DNAH5: variants seen among roughly 807,000 people sequenced by gnomAD.
DNAH5 encodes the protein axonemal beta dynein heavy chain 5.
In DNAH5, 372 loss-of-function variants were observed where a neutral mutation model predicts 518.2. The observed-to-expected ratio is 0.72, with a 90% confidence interval of 0.66 to 0.78. DNAH5 has a LOEUF of 0.78. Among genes scored for constraint, DNAH5 ranks in the 30% least tolerant of loss-of-function variants. The probability of loss-of-function intolerance (pLI) is 0.00; values close to 1 mark genes in which losing one functional copy is unlikely to be tolerated. For missense variants in DNAH5, 5,523 were observed against 5,687.0 expected, an observed-to-expected ratio of 0.97 and a Z score of 0.93; for synonymous variants, 2,039 against 2,025.9, an observed-to-expected ratio of 1.01 and a Z score of -0.17.
Position 13,885,998 on chromosome 5 carries a change from A to G in DNAH5, c.2709T>C (p.Asn903=). 6.2e-7 allele frequency: 1 copy of G among 1,612,762 alleles called. No homozygotes were observed. The highest frequency in any genetic ancestry group is 8.5e-7 in the Non-Finnish European group (1 of 1,179,402). The change falls in exon 18 of 79, where the codon AAT becomes AAC. Residue 903 remains asparagine (N), a synonymous_variant. Transcript: ENST00000265104. Reference sequence around the variant, plus strand: ...CATTTTTGTAATTAACACTATTCTCATTGGATATTTTTTCACTTTCTTCTT... The same window carrying G: ...CATTTTTGTAATTAACACTATTCTCGTTGGATATTTTTTCACTTTCTTCTT... ...LSEEESEKIS[N]ENSVNYKNES...
At chr5:13,926,570 A>T (rs1777892687) in intron 3 of DNAH5, among the ~76,000 whole-genome samples, 1 of 152,234 alleles carries the variant, frequency 6.6e-6, no homozygotes, top group African/African-American at 2.4e-5. Flanking sequence ...GCTTTCCATC[A>T]ACTGGACAGT....
chr5:13,794,142 T>G (rs1305377241), intron 47 of DNAH5, 84 bp from the exon 48 acceptor site: 13 of 1,573,996 alleles, frequency 8.3e-6, no homozygotes, highest in Non-Finnish European at 1.1e-5. Context: ...CAAAAACTGG[T>G]AACCTTTGAA....
intron 47 of DNAH5, among the ~76,000 whole-genome samples, chr5:13,799,634 C>T (rs1758429576): frequency 6.6e-6 from 1 of 152,124 alleles, no homozygotes; most frequent in Admixed American, 6.5e-5. Context: ...CAATAGTTAC[C>T]TGAGTGTTGA....
intron 1 of DNAH5, among the ~76,000 whole-genome samples, chr5:13,996,316 C>T (rs1561061860): frequency 1.3e-5 from 2 of 152,120 alleles, no homozygotes; most frequent in South Asian, 2.1e-4. Flanking sequence ...CCGCCACCCC[C>T]GACCCCGAAT....
At chr5:13,989,295 G>A (rs1481169774) in intron 1 of DNAH5, among the ~76,000 whole-genome samples, 1 of 151,964 alleles carries the variant, frequency 6.6e-6, no homozygotes, top group Non-Finnish European at 1.5e-5. Flanking sequence ...TTACTGGAGT[G>A]CTATACAATG....
At chr5:13,884,917 C>T in intron 19 of DNAH5, 72 bp downstream of exon 19, 15 of 916,572 alleles carry the variant, frequency 1.6e-5, no homozygotes, top group Non-Finnish European at 2.1e-5. Context: ...CACACGTGCA[C>T]ACACACACAC....
At position 13,729,634 on chromosome 5, in the gene DNAH5, T is replaced by A. The variant is rs893959931; in HGVS notation, c.11762-74A>T. 24 of 1,343,558 alleles carry A rather than the reference T, an allele frequency of 1.8e-5. No homozygotes were observed. In the African/African-American group the frequency reaches 3.3e-4, roughly 18 times the overall value. The allele number at this position is 1,343,558 out of a possible 1,614,324, so 83.2% of individuals were successfully genotyped here. On this transcript the variant is annotated intron_variant, in intron 68 of 78. Transcript: ENST00000265104. Reference sequence around the variant, plus strand: ...AACAATCTATTTAGTAAAATTTGTATTATTTTAATTTCAGTTATTTTACTA... The same window carrying A: ...AACAATCTATTTAGTAAAATTTGTAATATTTTAATTTCAGTTATTTTACTA...
chr5:13,826,817 G>A (rs1762948249), intron 38 of DNAH5, among the ~76,000 whole-genome samples: 1 of 152,200 alleles, frequency 6.6e-6, no homozygotes, highest in African/African-American at 2.4e-5. Context: ...AACAGGCAGA[G>A]GTTGGAACAG....
intron 44 of DNAH5, among the ~76,000 whole-genome samples, chr5:13,810,803 C>T (rs1760586850): frequency 6.6e-6 from 1 of 151,552 alleles, no homozygotes; most frequent in Non-Finnish European, 1.5e-5. Flanking sequence ...CAGCACTGTT[C>T]ACCACAGTCA....
Position 13,862,860 on chromosome 5 carries a change from A to ATATATATG in DNAH5, c.4597-114_4597-113insCATATATA, listed in dbSNP as rs60470226. On this transcript the variant is annotated intron_variant, in intron 28 of 78. Coordinates refer to ENST00000265104, the MANE Select transcript of DNAH5 (RefSeq NM_001369.3). ...TTGCTTCATATATATATAAATATAT[A>ATATATATG]TATAAACTTTTATATTTCCAGACCT... 0.12 allele frequency: 35,515 copies of ATATATATG among 291,202 alleles called. 2,304 individuals carry two copies. Among genetic ancestry groups the ATATATATG allele is most frequent in the South Asian group, 0.22 (1,438 of 6,640 alleles). The allele number at this position is 291,202 out of a possible 1,614,324, so 18.0% of individuals were successfully genotyped here.
chr5:13,945,872 G>A (rs557292643), upstream of DNAH5, among the ~76,000 whole-genome samples: 1 of 152,272 alleles, frequency 6.6e-6, no homozygotes, highest in African/African-American at 2.4e-5. Context: ...CCAAAGTGCT[G>A]GGATTATACG....
chr5:13,954,967 T>C (rs1326428248), intron 1 of DNAH5, among the ~76,000 whole-genome samples: 1 of 152,230 alleles, frequency 6.6e-6, no homozygotes, highest in African/African-American at 2.4e-5. Context: ...GTGCTTCATT[T>C]TGAAACAACT....
rs986656217 is a variant in DNAH5 at position 13,727,143 on chromosome 5, C to T, written c.12033+364G>A. Among the ~76,000 whole-genome samples the T allele has an allele frequency of 3.3e-5, 5 of 152,188 alleles. No individual in the cohort carries two copies. The East Asian group carries it at 9.6e-4, about 29-fold the overall frequency. ...TTTATGTTCTTCCTGCTTTCAGAAA[C>T]ACTGTTTTACTACCAGCAAAATGGA... On this transcript the variant is annotated intron_variant, in intron 70 of 78. Coordinates refer to ENST00000265104, the MANE Select transcript of DNAH5 (RefSeq NM_001369.3).
At chr5:13,857,459 T>C (rs1444620527) in intron 30 of DNAH5, among the ~76,000 whole-genome samples, 1 of 152,196 alleles carries the variant, frequency 6.6e-6, no homozygotes, top group African/African-American at 2.4e-5. Flanking sequence ...ATAGATTCAA[T>C]GCTATTCCCA....
At chr5:13,994,638 C>T (rs1581135994) in intron 1 of DNAH5, among the ~76,000 whole-genome samples, 1 of 152,142 alleles carries the variant, frequency 6.6e-6, no homozygotes, top group African/African-American at 2.4e-5. Context: ...AAAGGAGTCA[C>T]ACCATAGGTC....
chr5:13,911,245 G>A lies in DNAH5; in HGVS notation c.1644+141C>T, dbSNP rs968255652. ...CCTTCAATTATTAATCTGAAATCAC[G>A]AAACACAGGCTGAGGTTGCTATCGG... On this transcript the variant is annotated intron_variant, in intron 12 of 78. Transcript: ENST00000265104. 4 of 700,012 alleles carry A rather than the reference G, an allele frequency of 5.7e-6. No homozygotes were observed. In the African/African-American group the frequency reaches 7.1e-5, roughly 12 times the overall value. The allele number at this position is 700,012 out of a possible 1,614,324, so 43.4% of individuals were successfully genotyped here.
At chr5:13,695,261 A>G (rs937583055) in intron 78 of DNAH5, among the ~76,000 whole-genome samples, 2 of 152,208 alleles carry the variant, frequency 1.3e-5, no homozygotes, top group African/African-American at 4.8e-5. Flanking sequence ...CTCGGCTCAC[A>G]GTCCTCTACC....
At chr5:13,694,575 C>T (rs113981234) in intron 78 of DNAH5, among the ~76,000 whole-genome samples, 17 of 152,272 alleles carry the variant, frequency 1.1e-4, no homozygotes, top group African/African-American at 4.1e-4. Context: ...CCTTTAGGAT[C>T]TTAAAGGTTT....
At chr5:13,729,328 T>G in intron 69 of DNAH5, 111 bp downstream of exon 69, 1 of 1,440,572 alleles carries the variant, frequency 6.9e-7, no homozygotes, top group South Asian at 1.2e-5. Flanking sequence ...AATACCATTT[T>G]AAGAGTGACA....
Sources: gnomAD v4.1 joint callset for allele counts (sites outside exome capture counted in the v4.1 genomes callset) on GRCh38, gnomAD v4.1.1 for gene constraint, MANE v1.5 for transcripts, NCBI Gene and HGNC (gene_info 2026-07-23, HGNC 2026-07-21) for gene names.